FANCA: variants seen among roughly 807,000 people sequenced by gnomAD.
FANCA encodes the protein Fanconi anemia group A protein.
Under a neutral mutation model 194.3 loss-of-function variants are expected in FANCA, and 236 were observed. That is an observed-to-expected ratio of 1.21 (90% confidence interval 1.09 to 1.35). The LOEUF (loss-of-function observed/expected upper bound fraction) is 1.35. Among genes scored for constraint, FANCA ranks in the 40% most tolerant of loss-of-function variants. FANCA has a pLI of 0.00. For synonymous variants in FANCA, 1,014 were observed against 715.8 expected (o/e 1.42, Z -6.65); for missense variants, 2,628 against 1,813.9 (o/e 1.45, Z -8.15).
At chr16:89,749,939 G>A (rs375785282) in intron 31 of FANCA, 37 bp from the exon 32 acceptor site, 60 of 1,611,200 alleles carry the variant, frequency 3.7e-5, no homozygotes, top group African/African-American at 3.2e-4. Context: ...GGAAGGCCTC[G>A]GGGCTCACTG....
chr16:89,805,921 T>C (rs1341365578), intron 6 of FANCA, among the ~76,000 whole-genome samples: 2 of 152,008 alleles, frequency 1.3e-5, no homozygotes, highest in East Asian at 3.9e-4. Flanking sequence ...TGAACCTTTT[T>C]TTTTTCTCTT....
chr16:89,776,964 C>A (rs965890881), intron 20 of FANCA, among the ~76,000 whole-genome samples: 1 of 152,172 alleles, frequency 6.6e-6, no homozygotes, highest in African/African-American at 2.4e-5. Context: ...GTAATCCCAG[C>A]ACTTTGGGAA....
At chr16:89,757,181 C>T (rs1301499542) in intron 30 of FANCA, among the ~76,000 whole-genome samples, 3 of 152,114 alleles carry the variant, frequency 2.0e-5, no homozygotes, top group African/African-American at 2.4e-5. Flanking sequence ...AGGCTGGTCT[C>T]GAGCTCCTGA....
intron 2 of FANCA, 43 bp downstream of exon 2, chr16:89,815,834 C>A: frequency 6.7e-7 from 1 of 1,488,772 alleles, no homozygotes. Flanking sequence ...TCAAAAACCC[C>A]GAACCTAAAT....
At chr16:89,797,087 G>GGAGCGGAGCTTGCAGT (rs1211253970) in intron 10 of FANCA, among the ~76,000 whole-genome samples, 4 of 152,142 alleles carry the variant, frequency 2.6e-5, no homozygotes, top group Admixed American at 2.0e-4. Context: ...GTGAACCCAG[G>GGAGCGGAGCTTGCAGT]GAGCGGAGCT....
chr16:89,785,841 G>A lies in FANCA; in HGVS notation c.1360-877C>T, dbSNP rs143800989. Among the ~76,000 whole-genome samples the A allele has an allele frequency of 6.5e-3, 929 of 142,472 alleles. 11 individuals are homozygous for A. Among genetic ancestry groups the A allele is most frequent in the African/African-American group, 0.024 (889 of 37,468 alleles). The allele number at this position is 142,472 out of a possible 152,430, so 93.5% of individuals were successfully genotyped here. On this transcript the variant is annotated intron_variant, in intron 14 of 42. Coordinates refer to ENST00000389301, the MANE Select transcript of FANCA (RefSeq NM_000135.4). Reference sequence around the variant, plus strand: ...GGCTCACCTTGGTCTTTCTGAAAGCGTGCAAAATTGTGTTTTGTTTTTTTT... The same window carrying A: ...GGCTCACCTTGGTCTTTCTGAAAGCATGCAAAATTGTGTTTTGTTTTTTTT...
chr16:89,786,301 A>G (rs1198874674), intron 14 of FANCA, among the ~76,000 whole-genome samples: 1 of 152,136 alleles, frequency 6.6e-6, no homozygotes, highest in African/African-American at 2.4e-5. Context: ...CTCCTGCCTC[A>G]GCCTCCTGAG....
chr16:89,803,165 G>C (rs533576621), intron 8 of FANCA, 94 bp downstream of exon 8: 112 of 1,180,022 alleles, frequency 9.5e-5, no homozygotes, highest in Non-Finnish European at 1.2e-4. Flanking sequence ...GGTACAAACA[G>C]CACGTTTCAA....
chr16:89,804,797 G>A (rs1380561427), intron 7 of FANCA, among the ~76,000 whole-genome samples: 1 of 152,150 alleles, frequency 6.6e-6, no homozygotes, highest in Non-Finnish European at 1.5e-5. Context: ...ACTTTGGGAG[G>A]CCGAGGGGGG....
chr16:89,752,305 G>A, intron 30 of FANCA, 83 bp from the exon 31 acceptor site: 1 of 1,094,554 alleles, frequency 9.1e-7, no homozygotes, highest in East Asian at 2.4e-5. Flanking sequence ...CTCCGGAGCT[G>A]AGTGATGGCT....
chr16:89,805,287 C>T lies in FANCA; in HGVS notation c.702G>A (p.Met234Ile). The change falls in exon 7 of 43, where the codon ATG (methionine) becomes ATA (isoleucine). Residue 234 changes from methionine (M) to isoleucine (I), a missense_variant. Physicochemically the swap from Met to Ile is conservative, Grantham distance 10. Transcript: ENST00000389301. ...ATCTTGTCATGAACGCACCAGAAAGCATGGCCCTGGCGACGTCAGCATGCT... is the reference window on the plus strand; with the variant it reads ...ATCTTGTCATGAACGCACCAGAAAGTATGGCCCTGGCGACGTCAGCATGCT... The part of the protein sequence containing the change: ...SCQHADVARA[M>I]LSDFVQMFVL... 6.2e-7 allele frequency: 1 copy of T among 1,613,330 alleles called. No homozygotes were observed. The highest frequency in any genetic ancestry group is 1.1e-5 in the South Asian group (1 of 91,024).
Position 89,815,908 on chromosome 16 carries a change from C to A in FANCA, c.158G>T (p.Ser53Ile). The A allele has an allele frequency of 6.2e-7, 1 of 1,614,142 alleles. No individual in the cohort carries two copies. The highest frequency in any genetic ancestry group is 8.5e-7 in the Non-Finnish European group (1 of 1,179,974). Residue 53 changes from serine to isoleucine, a missense_variant, in exon 2 of 43, where the codon AGC (serine) becomes ATC (isoleucine). Ser to Ile is a moderately radical substitution (Grantham distance 142, BLOSUM62 -2). Coordinates refer to ENST00000389301, the MANE Select transcript of FANCA (RefSeq NM_000135.4). ...LKESAVRLLR[S>I]HQDLNALLLE... ...CAAAAGGGCATTCAGGTCCTGATGG[C>A]TTCGCAGGAGGCGCACAGCTGATTC...
chr16:89,803,765 G>GCGC (rs1357725191), intron 7 of FANCA, among the ~76,000 whole-genome samples: 1 of 151,936 alleles, frequency 6.6e-6, no homozygotes, highest in Non-Finnish European at 1.5e-5. Context: ...GGGAATATAG[G>GCGC]CGCCGCCACC....
chr16:89,772,188 C>G (rs796986451), intron 22 of FANCA, among the ~76,000 whole-genome samples: 1 of 152,224 alleles, frequency 6.6e-6, no homozygotes, highest in Non-Finnish European at 1.5e-5. Context: ...CACACATAGC[C>G]CAACTACATC....
rs1207776719 is a variant in FANCA at position 89,744,932 on chromosome 16, A to G, written c.3626+27T>C. 8 of 1,601,834 alleles carry G rather than the reference A, an allele frequency of 5.0e-6. No individual in the cohort carries two copies. In the East Asian group the frequency reaches 1.8e-4, roughly 36 times the overall value. ...GGTCCCGAAGTGCATCTGGGCGGGC[A>G]CACCCCATCTCACCACCCACACGTA... On this transcript the variant is annotated intron_variant, in intron 36 of 42. Coordinates refer to ENST00000389301, the MANE Select transcript of FANCA (RefSeq NM_000135.4).
chr16:89,779,124 A>G, intron 18 of FANCA, 121 bp from the exon 19 acceptor site: 1 of 898,710 alleles, frequency 1.1e-6, no homozygotes, highest in Admixed American at 2.0e-5. Flanking sequence ...ACGATGCATT[A>G]TGAAGTCTTC....
At chr16:89,739,343 G>C (rs2062062420) in intron 40 of FANCA, 54 bp from the exon 41 acceptor site, 1 of 1,605,310 alleles carries the variant, frequency 6.2e-7, no homozygotes, top group African/African-American at 1.3e-5. Context: ...AAGGTAGCAG[G>C]TGATGCCAAG....
At chr16:89,748,638 A>C (rs1413154928) in intron 33 of FANCA, 21 bp downstream of exon 33, 2 of 1,579,802 alleles carry the variant, frequency 1.3e-6, no homozygotes, top group East Asian at 2.2e-5. Flanking sequence ...TCGGACGGAC[A>C]CGTGCACACG....
At chr16:89,798,795 G>C in intron 10 of FANCA, 1 of 1,430,242 alleles carries the variant, frequency 7.0e-7, no homozygotes, top group Non-Finnish European at 9.1e-7. Context: ...TTCTAGAAAT[G>C]TGGGGGGCTG....
Sources: gnomAD v4.1 joint callset for allele counts (sites outside exome capture counted in the v4.1 genomes callset) on GRCh38, gnomAD v4.1.1 for gene constraint, MANE v1.5 for transcripts, NCBI Gene and HGNC (gene_info 2026-07-23, HGNC 2026-07-21) for gene names.